GNA14: variants seen among roughly 807,000 people sequenced by gnomAD.
GNA14 encodes the protein G protein subunit alpha 14.
Under a neutral mutation model 42.0 loss-of-function variants are expected in GNA14, and 50 were observed. The observed-to-expected ratio is 1.19, with a 90% confidence interval of 0.95 to 1.51. GNA14 has a LOEUF of 1.51. Ranked by LOEUF, GNA14 falls within the 40% of genes most tolerant of loss-of-function variation. GNA14 has a pLI of 0.00. For synonymous variants in GNA14, 173 were observed against 163.1 expected, an observed-to-expected ratio of 1.06 and a Z score of -0.46; for missense variants, 473 against 446.2, an observed-to-expected ratio of 1.06 and a Z score of -0.54.
intron 1 of GNA14, among the ~76,000 whole-genome samples, chr9:77,572,908 T>C (rs1030228518): frequency 1.3e-5 from 2 of 152,182 alleles, no homozygotes; most frequent in African/African-American, 4.8e-5. Context: ...TACAGGTAGA[T>C]AGCACAGGTC....
At chr9:77,618,886 G>T (rs903097555) in intron 1 of GNA14, among the ~76,000 whole-genome samples, 1 of 151,166 alleles carries the variant, frequency 6.6e-6, no homozygotes, top group African/African-American at 2.4e-5. Context: ...GCCCGCCTCG[G>T]CCTCCCAAAG....
At chr9:77,551,844 A>T (rs1157872748) in intron 1 of GNA14, among the ~76,000 whole-genome samples, 1 of 152,138 alleles carries the variant, frequency 6.6e-6, no homozygotes, top group Non-Finnish European at 1.5e-5. Context: ...TACAGCCTTA[A>T]TATAAAGAAA....
In GNA14 at chr9:77,478,532, G is replaced by A. The variant is rs546279968; in HGVS notation, c.310-44010C>T. ...TAGCAGCATGATTTATAATCCTTTG[G>A]GTATATACCCAGTAATGGGATGGCT... On this transcript the variant is annotated intron_variant, in intron 2 of 6. Coordinates refer to ENST00000341700, the MANE Select transcript of GNA14 (RefSeq NM_004297.4). 8.4e-3 allele frequency among the ~76,000 whole-genome samples: 1,282 copies of A among 152,082 alleles called. 4 individuals carry two copies. The highest frequency in any genetic ancestry group is 0.01 in the Non-Finnish European group (693 of 67,982).
At chr9:77,616,904 CTG>C (rs1823829094) in intron 1 of GNA14, among the ~76,000 whole-genome samples, 1 of 149,988 alleles carries the variant, frequency 6.7e-6, no homozygotes, top group Non-Finnish European at 1.5e-5. Context: ...GAGTCTCACT[CTG>C]TCGCCCAGGC....
intron 2 of GNA14, among the ~76,000 whole-genome samples, chr9:77,481,567 G>A (rs1836552659): frequency 6.6e-6 from 1 of 152,290 alleles, no homozygotes; most frequent in Non-Finnish European, 1.5e-5. Flanking sequence ...TATTAGGTCT[G>A]CTTGGTGCAG....
chr9:77,477,472 T>G (rs1836452451), intron 2 of GNA14, among the ~76,000 whole-genome samples: 1 of 152,196 alleles, frequency 6.6e-6, no homozygotes, highest in Non-Finnish European at 1.5e-5. Flanking sequence ...AATCAGAACA[T>G]TCCTCAAAAA....
chr9:77,591,074 T>C (rs1307822122), intron 1 of GNA14, among the ~76,000 whole-genome samples: 3 of 152,176 alleles, frequency 2.0e-5, no homozygotes, highest in African/African-American at 7.2e-5. Context: ...ACAGTGAATG[T>C]CCAGGTTAAT....
intron 2 of GNA14, among the ~76,000 whole-genome samples, chr9:77,463,567 C>A (rs1836156238): frequency 6.6e-6 from 1 of 152,190 alleles, no homozygotes; most frequent in Non-Finnish European, 1.5e-5. Context: ...CCAAACATTT[C>A]TGTCATTTAG....
In GNA14 at chr9:77,567,821, T is replaced by A. The variant is rs536334024; in HGVS notation, c.125-38568A>T. ...GGCGGAGGTTGCAGTGAGCCAAGAT[T>A]GCACCACTGTACTCCAGCCTGGGTG... On this transcript the variant is annotated intron_variant, in intron 1 of 6. Transcript: ENST00000341700. Among the ~76,000 whole-genome samples, 680 of 136,128 alleles carry A rather than the reference T, an allele frequency of 5.0e-3. 9 individuals are homozygous for A. Among genetic ancestry groups the A allele is most frequent in the African/African-American group, 0.022 (647 of 28,948 alleles). The allele number at this position is 136,128 out of a possible 152,430, so 89.3% of individuals were successfully genotyped here.
chr9:77,580,041 C>T (rs1823192918), intron 1 of GNA14, among the ~76,000 whole-genome samples: 2 of 152,178 alleles, frequency 1.3e-5, no homozygotes, highest in Admixed American at 6.5e-5. Flanking sequence ...CTTGTAGCTT[C>T]CTTCCACTCT....
At chr9:77,625,386 A>C (rs1823997477) in intron 1 of GNA14, among the ~76,000 whole-genome samples, 1 of 152,134 alleles carries the variant, frequency 6.6e-6, no homozygotes, top group Non-Finnish European at 1.5e-5. Flanking sequence ...CAAATTCAGG[A>C]AATACAGAGA....
At chr9:77,535,496 C>T (rs1837583685) in intron 1 of GNA14, among the ~76,000 whole-genome samples, 1 of 152,082 alleles carries the variant, frequency 6.6e-6, no homozygotes, top group Non-Finnish European at 1.5e-5. Context: ...CTGAGCTGAG[C>T]CGAGATCGCG....
intron 2 of GNA14, among the ~76,000 whole-genome samples, chr9:77,523,287 C>T (rs972478712): frequency 2.2e-4 from 34 of 152,140 alleles, no homozygotes; most frequent in Non-Finnish European, 4.0e-4. Context: ...GGCATCTGCT[C>T]GGCTTCTGGG....
intron 2 of GNA14, among the ~76,000 whole-genome samples, chr9:77,463,941 T>C (rs1039575261): frequency 6.6e-6 from 1 of 152,220 alleles, no homozygotes; most frequent in Non-Finnish European, 1.5e-5. Context: ...GAGAAATATA[T>C]AGTTATACTG....
chr9:77,480,935 CTCTTT>C (rs1249105880), intron 2 of GNA14, among the ~76,000 whole-genome samples: 3 of 152,060 alleles, frequency 2.0e-5, no homozygotes, highest in African/African-American at 4.8e-5. Context: ...TGATTCTTCT[CTCTTT>C]TCTTCTTTAT....
intron 1 of GNA14, among the ~76,000 whole-genome samples, chr9:77,594,546 G>A (rs1333017204): frequency 6.6e-6 from 1 of 152,208 alleles, no homozygotes; most frequent in Non-Finnish European, 1.5e-5. Flanking sequence ...TTGAGCTGAG[G>A]TGACACTCGA....
intron 1 of GNA14, among the ~76,000 whole-genome samples, chr9:77,612,394 G>A (rs1255260556): frequency 6.6e-6 from 1 of 152,168 alleles, no homozygotes; most frequent in African/African-American, 2.4e-5. Context: ...TACCAAGCCT[G>A]CAGGGAAAGT....
chr9:77,457,923 C>G (rs138451527), intron 2 of GNA14, among the ~76,000 whole-genome samples: 117 of 151,974 alleles, frequency 7.7e-4, no homozygotes, highest in African/African-American at 2.7e-3. Flanking sequence ...ACTTTTTCCA[C>G]TCTTTTCAAT....
intron 1 of GNA14, among the ~76,000 whole-genome samples, chr9:77,576,045 TTTA>T (rs1485431869): frequency 4.6e-5 from 7 of 152,240 alleles, no homozygotes; most frequent in South Asian, 2.1e-4. Context: ...ATGGTGAGCA[TTTA>T]TTATTGTTTA....
Sources: gnomAD v4.1 joint callset for allele counts (sites outside exome capture counted in the v4.1 genomes callset) on GRCh38, gnomAD v4.1.1 for gene constraint, MANE v1.5 for transcripts, NCBI Gene and HGNC (gene_info 2026-07-23, HGNC 2026-07-21) for gene names.